Variants in THNSL1 observed in about 807,000 individuals in gnomAD.
THNSL1 encodes the protein threonine synthase like 1, also known as threonine synthase-like 1.
In THNSL1, 48 loss-of-function variants were observed where a neutral mutation model predicts 50.4. The observed-to-expected ratio is 0.95, with a 90% CI of 0.76 to 1.21. The LOEUF (loss-of-function observed/expected upper bound fraction) is 1.21. Among genes scored for constraint, THNSL1 ranks in the 50% most tolerant of loss-of-function variants. The pLI, the probability that THNSL1 is intolerant of heterozygous loss-of-function variation, is 0.00. For missense variants in THNSL1, 896 were observed against 871.7 expected (o/e 1.03, Z -0.35); for synonymous variants, 309 against 306.1 (o/e 1.01, Z -0.10).
chr10:24,971,794 G>T, the THNSL1 span, among the ~76,000 whole-genome samples: 2 of 152,208 alleles, frequency 1.3e-5, no homozygotes, highest in African/African-American at 2.4e-5. Context: ...GGGGGCAGTT[G>T]TGATGTATGC....
At chr10:24,993,756 T>C in the THNSL1 span, among the ~76,000 whole-genome samples, 1 of 152,334 alleles carries the variant, frequency 6.6e-6, no homozygotes. Flanking sequence ...TAAACTCTGG[T>C]ATTTTTCTGT....
chr10:24,999,646 C>T, the THNSL1 span: 2 of 1,098,520 alleles, frequency 1.8e-6, no homozygotes, highest in African/African-American at 3.2e-5. Flanking sequence ...TTATTTAAGT[C>T]TATATTCGTA....
chr10:24,999,460 TC>T, the THNSL1 span: 62 of 1,613,382 alleles, frequency 3.8e-5, no homozygotes, highest in Non-Finnish European at 5.0e-5. Flanking sequence ...AGAAGGTACT[TC>T]AACTTTTGCT....
At chr10:24,958,915 G>A in the THNSL1 span, among the ~76,000 whole-genome samples, 1 of 152,198 alleles carries the variant, frequency 6.6e-6, no homozygotes. Context: ...AGATCTCTGA[G>A]TCCTGGCAGT....
At chr10:24,953,118 G>T in the THNSL1 span, 1 of 152,534 alleles carries the variant, frequency 6.6e-6, no homozygotes, top group Non-Finnish European at 1.5e-5. Context: ...CTTGGAGGAT[G>T]GGAAGTGTCC....
chr10:25,014,526 A>T (rs1850522466), upstream of THNSL1, among the ~76,000 whole-genome samples: 1 of 152,104 alleles, frequency 6.6e-6, no homozygotes, highest in Non-Finnish European at 1.5e-5. Context: ...TTTTTGAAAA[A>T]AAAAATCGTC....
chr10:24,972,507 C>CA, the THNSL1 span, among the ~76,000 whole-genome samples: 947 of 133,138 alleles, frequency 7.1e-3, 7 homozygotes, highest in African/African-American at 0.019. Context: ...GACTCTGTCT[C>CA]AAAAAAAAAA....
At chr10:25,011,798 T>C (rs536891166), upstream of THNSL1, among the ~76,000 whole-genome samples, 5 of 152,196 alleles carry the variant, frequency 3.3e-5, no homozygotes, top group East Asian at 3.9e-4. Flanking sequence ...GATGATGCAA[T>C]AGAAAAGAAA....
chr10:24,978,434 CCTCTCT>C, the THNSL1 span, among the ~76,000 whole-genome samples: 5 of 147,592 alleles, frequency 3.4e-5, no homozygotes, highest in African/African-American at 1.2e-4. Flanking sequence ...TCTCTCCTGT[CCTCTCT>C]CTCTCTCTCT....
chr10:25,006,018 A>C, the THNSL1 span, among the ~76,000 whole-genome samples: 1 of 152,258 alleles, frequency 6.6e-6, no homozygotes, highest in African/African-American at 2.4e-5. Context: ...AATAAACTAC[A>C]TAAAGTAAAT....
chr10:24,985,392 G>A, the THNSL1 span, among the ~76,000 whole-genome samples: 1 of 152,100 alleles, frequency 6.6e-6, no homozygotes, highest in Non-Finnish European at 1.5e-5. Flanking sequence ...CTAACAAATG[G>A]GATTGTAAAA....
chr10:24,970,762 G>C, the THNSL1 span, among the ~76,000 whole-genome samples: 1 of 149,960 alleles, frequency 6.7e-6, no homozygotes, highest in African/African-American at 2.5e-5. Context: ...GATGGCTCAC[G>C]CCCGTAATCC....
the THNSL1 span, chr10:24,984,742 G>T: frequency 5.0e-6 from 8 of 1,604,716 alleles, no homozygotes; most frequent in Admixed American, 1.4e-4. Flanking sequence ...TTACTTATTG[G>T]CAATATAAAT....
chr10:24,971,596 G>A, the THNSL1 span, among the ~76,000 whole-genome samples: 1 of 152,216 alleles, frequency 6.6e-6, no homozygotes, highest in Non-Finnish European at 1.5e-5. Flanking sequence ...AATACCAAGT[G>A]TCAAGTGGGG....
the THNSL1 span, among the ~76,000 whole-genome samples, chr10:24,957,582 G>T: frequency 1.3e-5 from 2 of 152,248 alleles, no homozygotes; most frequent in Middle Eastern, 6.8e-3. Flanking sequence ...TCAGATTCAG[G>T]TGATTGTCCT....
At chr10:24,995,904 C>A in the THNSL1 span, 1 of 1,517,706 alleles carries the variant, frequency 6.6e-7, no homozygotes, top group South Asian at 1.2e-5. Context: ...TAATATTAAA[C>A]TACAAACACT....
chr10:25,015,738 C>T (rs1850553954), upstream of THNSL1: 3 of 876,232 alleles, frequency 3.4e-6, no homozygotes, highest in African/African-American at 3.5e-5. Flanking sequence ...TCCTCCAAGG[C>T]TACTTCATCG....
chr10:25,003,506 C>A, the THNSL1 span, among the ~76,000 whole-genome samples: 1 of 152,186 alleles, frequency 6.6e-6, no homozygotes, highest in Non-Finnish European at 1.5e-5. Flanking sequence ...TGCGCCAAGC[C>A]TGTGTTTCTA....
chr10:24,972,296 T>G, the THNSL1 span, among the ~76,000 whole-genome samples: 2 of 150,126 alleles, frequency 1.3e-5, no homozygotes, highest in Non-Finnish European at 3.0e-5. Context: ...TCACCTGAGG[T>G]CAGGAGTTTG....
Sources: gnomAD v4.1 joint callset for allele counts (sites outside exome capture counted in the v4.1 genomes callset) on GRCh38, gnomAD v4.1.1 for gene constraint, MANE v1.5 for transcripts, NCBI Gene and HGNC (gene_info 2026-07-23, HGNC 2026-07-21) for gene names.